Variants in CCDC7 observed in about 807,000 individuals in gnomAD.
CCDC7 encodes coiled-coil domain containing 7, also known as coiled-coil domain-containing protein 7.
Under a neutral mutation model 196.9 loss-of-function variants are expected in CCDC7, and 183 were observed. The observed-to-expected ratio is 0.93, with a 90% confidence interval of 0.82 to 1.05. The LOEUF (loss-of-function observed/expected upper bound fraction) is 1.05, where lower values mean the gene tolerates loss of function less well. Ranked by LOEUF, CCDC7 falls within the 50% of genes least tolerant of loss-of-function variation. The probability of loss-of-function intolerance (pLI) is 0.00; values close to 1 mark genes in which losing one functional copy is unlikely to be tolerated. For synonymous variants in CCDC7, 525 were observed against 484.6 expected (o/e 1.08, Z -1.10); for missense variants, 1,540 against 1,482.2 (o/e 1.04, Z -0.64).
chr10:32,777,012 A>G (rs1208939453), intron 28 of CCDC7, among the ~76,000 whole-genome samples: 3 of 152,156 alleles, frequency 2.0e-5, no homozygotes, highest in Admixed American at 1.3e-4. Context: ...CATCACCCAG[A>G]TAGCATAATA....
At position 32,723,462 on chromosome 10, in the gene CCDC7, G is replaced by A. The variant is rs151178080; in HGVS notation, c.2570-3272G>A. ...CTTGTTAACAGTCTCATCTACCACC[G>A]GGGTGGCTAACAGGGAAGCTATATA... On this transcript the variant is annotated intron_variant, in intron 25 of 41. Transcript: ENST00000639629. 5.9e-3 allele frequency among the ~76,000 whole-genome samples: 900 copies of A among 152,016 alleles called. 6 individuals carry two copies. Among genetic ancestry groups the A allele is most frequent in the Middle Eastern group, 0.02 (6 of 294 alleles).
intron 20 of CCDC7, among the ~76,000 whole-genome samples, chr10:32,663,316 T>C (rs763768390): frequency 1.3e-5 from 2 of 152,210 alleles, no homozygotes; most frequent in Admixed American, 6.5e-5. Flanking sequence ...ACATGCATTG[T>C]AGACACTCAG....
chr10:32,641,855 A>G lies in CCDC7; in HGVS notation c.2014+6697A>G, dbSNP rs375153207. On this transcript the variant is annotated intron_variant, in intron 20 of 41. Coordinates refer to ENST00000639629, the Ensembl canonical transcript of CCDC7. ...GGTGTGGATGTCCTTTCCGTTTGTT[A>G]GTTTTCCTTCTAACAGTCAGGACCC... is the stretch of plus-strand genomic sequence containing the variant. Among the ~76,000 whole-genome samples, 9 of 152,190 alleles carry G rather than the reference A, an allele frequency of 5.9e-5. No individual in the cohort carries two copies. The East Asian group carries it at 1.2e-3, about 20-fold the overall frequency.
At chr10:32,588,548 T>C (rs2059503552) in intron 18 of CCDC7, among the ~76,000 whole-genome samples, 1 of 152,200 alleles carries the variant, frequency 6.6e-6, no homozygotes, top group Non-Finnish European at 1.5e-5. Flanking sequence ...TAATATGCCA[T>C]TAGTCCATTT....
intron 28 of CCDC7, 143 bp from the exon 30 acceptor site, chr10:32,778,834 G>T: frequency 9.6e-6 from 6 of 625,054 alleles, no homozygotes; most frequent in Admixed American, 9.0e-5. Context: ...TCATTTATTT[G>T]TGCCATTTCT....
chr10:32,727,940 G>A (rs942975617), intron 26 of CCDC7, among the ~76,000 whole-genome samples: 1 of 152,092 alleles, frequency 6.6e-6, no homozygotes, highest in Non-Finnish European at 1.5e-5. Flanking sequence ...GACAACCAGC[G>A]TTGTGATTCA....
intron 39 of CCDC7, among the ~76,000 whole-genome samples, chr10:32,849,322 A>G (rs2093441712): frequency 6.6e-6 from 1 of 152,126 alleles, no homozygotes; most frequent in Non-Finnish European, 1.5e-5. Context: ...CAATTCACCC[A>G]TATGTATGGC....
intron 18 of CCDC7, among the ~76,000 whole-genome samples, chr10:32,614,483 A>G (rs952788778): frequency 2.6e-5 from 4 of 152,112 alleles, no homozygotes; most frequent in African/African-American, 7.2e-5. Flanking sequence ...TGATCCTGTC[A>G]TTATGAAGCC....
intron 11 of CCDC7, among the ~76,000 whole-genome samples, chr10:32,526,903 T>A (rs1477881769): frequency 6.6e-6 from 1 of 152,174 alleles, no homozygotes; most frequent in East Asian, 1.9e-4. Context: ...CCCTTTGCCA[T>A]ACCAGGTGGT....
At chr10:32,850,894 A>C (rs17230486) in intron 39 of CCDC7, among the ~76,000 whole-genome samples, 5,808 of 152,096 alleles carry the variant, frequency 0.038, 115 homozygotes, top group Middle Eastern at 0.051. Flanking sequence ...AGCAGGGAGA[A>C]ACGAAGGCAA....
intron 18 of CCDC7, among the ~76,000 whole-genome samples, chr10:32,616,196 A>G (rs2062749161): frequency 6.6e-6 from 1 of 152,068 alleles, no homozygotes; most frequent in African/African-American, 2.4e-5. Flanking sequence ...AATTCTATGA[A>G]AAATGATGAT....
intron 18 of CCDC7, among the ~76,000 whole-genome samples, chr10:32,608,392 C>A (rs1459612417): frequency 6.6e-6 from 1 of 151,770 alleles, no homozygotes; most frequent in East Asian, 1.9e-4. Context: ...TTTATTTGAG[C>A]TGTTTATTTG....
intron 13 of CCDC7, among the ~76,000 whole-genome samples, chr10:32,555,856 A>G (rs1014521817): frequency 3.9e-5 from 6 of 152,226 alleles, no homozygotes; most frequent in African/African-American, 7.2e-5. Flanking sequence ...GATGTGCAAG[A>G]TAAGTTTTAT....
chr10:32,634,939 AT>A (rs2065396226), intron 19 of CCDC7, 117 bp from the exon 21 acceptor site: 1 of 394,140 alleles, frequency 2.5e-6, no homozygotes, highest in Non-Finnish European at 4.5e-6. Flanking sequence ...ATTTTAACGA[AT>A]ACCTCACTGC....
chr10:32,536,014 A>T (rs2050429293), intron 11 of CCDC7, among the ~76,000 whole-genome samples: 1 of 152,190 alleles, frequency 6.6e-6, no homozygotes, highest in Non-Finnish European at 1.5e-5. Flanking sequence ...ATGTCTTCCC[A>T]GACCCCTTAA....
At chr10:32,487,932 A>G (rs1184491921) in intron 8 of CCDC7, among the ~76,000 whole-genome samples, 1 of 152,190 alleles carries the variant, frequency 6.6e-6, no homozygotes, top group Non-Finnish European at 1.5e-5. Flanking sequence ...CTCAGGGGTC[A>G]GGGACCCACT....
chr10:32,552,142 A>G (rs936665128), intron 13 of CCDC7, among the ~76,000 whole-genome samples: 2 of 152,202 alleles, frequency 1.3e-5, no homozygotes, highest in Non-Finnish European at 2.9e-5. Context: ...GCCTTTCACC[A>G]TTACAAAATA....
At chr10:32,462,908 T>C (rs1294959394) in intron 4 of CCDC7, 109 bp from the exon 6 acceptor site, 2 of 1,502,710 alleles carry the variant, frequency 1.3e-6, no homozygotes, top group Admixed American at 1.9e-5. Context: ...TGATATTTGA[T>C]GGATGAAGAT....
chr10:32,869,339 A>T (rs1246026288), intron 41 of CCDC7, among the ~76,000 whole-genome samples: 2 of 152,086 alleles, frequency 1.3e-5, no homozygotes, highest in Admixed American at 1.3e-4. Flanking sequence ...GCATTTTTTC[A>T]TGTGTCTGTT....
Sources: gnomAD v4.1 joint callset for allele counts (sites outside exome capture counted in the v4.1 genomes callset) on GRCh38, gnomAD v4.1.1 for gene constraint, MANE v1.5 for transcripts, NCBI Gene and HGNC (gene_info 2026-07-23, HGNC 2026-07-21) for gene names.